FMO1: variants seen among roughly 807,000 people sequenced by gnomAD.
FMO1 encodes the protein flavin-containing monooxygenase 1.
Under a neutral mutation model 45.4 loss-of-function variants are expected in FMO1, and 36 were observed. The observed-to-expected ratio is 0.79, with a 90% CI of 0.61 to 1.05. FMO1 has a LOEUF of 1.05. FMO1 is among the 50% of genes least tolerant of loss of function. FMO1 has a pLI of 0.00. For synonymous variants in FMO1, 228 were observed against 227.2 expected (o/e 1.00, Z -0.03); for missense variants, 615 against 640.3 (o/e 0.96, Z 0.43).
In FMO1 at chr1:171,285,288, A is replaced by G. The variant is rs1305527542; in HGVS notation, c.1343A>G (p.Asn448Ser). Residue 448 changes from asparagine to serine, a missense_variant, in exon 9 of 9, where the codon AAC becomes AGC. Transcript: ENST00000617670. ...CTGACCTATATCAATGCAAAACCCA[A>G]CCTGTTCTCTATGCTCCTAACGGAT... ...ELLTYINAKP[N>S]LFSMLLTDPH... 1.2e-6 allele frequency: 2 copies of G among 1,613,808 alleles called. No individual in the cohort carries two copies. Among genetic ancestry groups the G allele is most frequent in the Non-Finnish European group, 1.7e-6 (2 of 1,179,910 alleles).
In FMO1 at chr1:171,257,613, C is replaced by G. The variant is rs941479596; in HGVS notation, c.-6-469C>G. Reference sequence around the variant, plus strand: ...GTGTGGTGGCTCCTGGTCCCAACTCCACCCCACCAGCTGCTGTGTGGTGTT... The same window carrying G: ...GTGTGGTGGCTCCTGGTCCCAACTCGACCCCACCAGCTGCTGTGTGGTGTT... On this transcript the variant is annotated intron_variant, in intron 1 of 8. Coordinates refer to ENST00000617670, the MANE Select transcript of FMO1 (RefSeq NM_001282693.2). 6 of 187,274 alleles carry G rather than the reference C, an allele frequency of 3.2e-5. No individual in the cohort carries two copies. In the Admixed American group the frequency reaches 3.2e-4, roughly 10 times the overall value. 11.6% of individuals were successfully genotyped at this position (187,274 alleles called of 1,614,324 possible). A position where few individuals can be genotyped will look rare whatever the true frequency, so the allele number is the denominator to read the frequency against.
At chr1:171,272,328 A>G (rs1660905111) in intron 3 of FMO1, among the ~76,000 whole-genome samples, 1 of 152,252 alleles carries the variant, frequency 6.6e-6, no homozygotes, top group African/African-American at 2.4e-5. Flanking sequence ...CTGCAGGGGC[A>G]GGGATCTCAT....
intron 3 of FMO1, chr1:171,271,638 G>C: frequency 1.4e-6 from 1 of 719,746 alleles, no homozygotes; most frequent in Non-Finnish European, 2.5e-6. Context: ...GTGCCCATCT[G>C]GCTCTCACTT....
intron 3 of FMO1, chr1:171,270,870 A>AT: frequency 4.2e-6 from 3 of 706,616 alleles, no homozygotes; most frequent in East Asian, 2.8e-5. Context: ...TTACATTTCC[A>AT]TTTTTTTCTT....
intron 4 of FMO1, 104 bp from the exon 5 acceptor site, chr1:171,278,625 G>T (rs1661212452): frequency 2.2e-6 from 2 of 892,490 alleles, no homozygotes; most frequent in South Asian, 2.4e-5. Flanking sequence ...TAGTAAAAAT[G>T]ACCAAAATCA....
intron 4 of FMO1, 152 bp downstream of exon 4, chr1:171,275,660 T>C: frequency 1.7e-6 from 1 of 585,166 alleles, no homozygotes; most frequent in Non-Finnish European, 2.9e-6. Context: ...TGTTTTTTTC[T>C]AGCCAGCATT....
chr1:171,278,715 T>C lies in FMO1; in HGVS notation c.485-14T>C. On this transcript the variant is annotated splice_polypyrimidine_tract_variant and intron_variant, in intron 4 of 8. Transcript: ENST00000617670. ...TGTTAATTCTCTGTGTGACTTCTCT[T>C]TTATTTTCTATAGGTATTAATGCCT... The C allele has an allele frequency of 6.4e-7, 1 of 1,552,970 alleles. No individual in the cohort carries two copies. The highest frequency in any genetic ancestry group is 8.8e-7 in the Non-Finnish European group (1 of 1,140,038).
intron 1 of FMO1, among the ~76,000 whole-genome samples, chr1:171,256,870 G>C (rs1238018297): frequency 3.3e-5 from 5 of 151,990 alleles, no homozygotes; most frequent in Non-Finnish European, 7.4e-5. Flanking sequence ...AACAAACTTA[G>C]GGAGATAAAA....
chr1:171,267,731 G>A lies in FMO1; in HGVS notation c.321G>A (p.Lys107=), dbSNP rs1217744788. 6.2e-7 allele frequency: 1 copy of A among 1,603,972 alleles called. No individual in the cohort carries two copies. The highest frequency in any genetic ancestry group is 1.7e-5 in the Admixed American group (1 of 59,096). The change falls in exon 3 of 9, where the codon AAG becomes AAA. Residue 107 remains lysine (K), a splice_region_variant and synonymous_variant. Transcript: ENST00000617670. ...HFDLLKHIQF[K]TKVCSVTKCS... is the part of the protein sequence containing the mutation. ...ACCTTCTGAAACACATTCAATTCAA[G>A]GTAAGACACAAAACATCAGTTAGTA...
In FMO1 at chr1:171,285,834, A is replaced by G. The variant is rs1007537586; in HGVS notation, c.*290A>G. On this transcript the variant is annotated 3_prime_UTR_variant, in exon 9 of 9. Transcript: ENST00000617670. ...TCTTGACAGCACTCTGAGCCATCAT[A>G]CCTCTTTCCCATATAAACTATTTTC... 1 of 257,260 alleles carries G rather than the reference A, an allele frequency of 3.9e-6. No individual in the cohort carries two copies. The highest frequency in any genetic ancestry group is 7.3e-6 in the Non-Finnish European group (1 of 137,362). The allele number at this position is 257,260 out of a possible 1,614,324, so 15.9% of individuals were successfully genotyped here.
At position 171,268,707 on chromosome 1, in the gene FMO1, A is replaced by T. The variant is rs1400641466; in HGVS notation, c.321+976A>T. ...CCCTCCCCTGTCAGAGGTAAGGATG[A>T]TGAGGAATTCACAGAGAATTATACA... On this transcript the variant is annotated intron_variant, in intron 3 of 8. Transcript: ENST00000617670. 7.2e-5 allele frequency among the ~76,000 whole-genome samples: 11 copies of T among 152,092 alleles called. 1 individual carries two copies. Among genetic ancestry groups the T allele is most frequent in the Admixed American group, 2.0e-4 (3 of 15,292 alleles).
At chr1:171,267,459 T>C in intron 2 of FMO1, 84 bp from the exon 3 acceptor site, 1 of 853,430 alleles carries the variant, frequency 1.2e-6, no homozygotes, top group East Asian at 2.5e-5. Flanking sequence ...GCAATGATAC[T>C]GTGTGCATCT....
intron 1 of FMO1, chr1:171,251,561 ATTCCTCACACAG>A (rs1282101686): frequency 1.3e-5 from 2 of 150,470 alleles, no homozygotes; most frequent in East Asian, 2.1e-4. Context: ...CCTTCACAGC[ATTCCTCACACAG>A]TTCCTCACAC....
chr1:171,272,632 G>A (rs1211544499), intron 3 of FMO1, among the ~76,000 whole-genome samples: 1 of 152,208 alleles, frequency 6.6e-6, no homozygotes, highest in Admixed American at 6.5e-5. Context: ...TGTGAGACAT[G>A]GAGTCAAAGG....
chr1:171,285,273 T>C lies in FMO1; in HGVS notation c.1328T>C (p.Ile443Thr), dbSNP rs779320288. The stretch of plus-strand genomic sequence containing the variant: ...TACATAGATGAACTCCTGACCTATA[T>C]CAATGCAAAACCCAACCTGTTCTCT... ...ITYIDELLTYINAKPNLFSML... is the reference protein window; with the variant it reads ...ITYIDELLTYTNAKPNLFSML... The change falls in exon 9 of 9, where the codon ATC (isoleucine) becomes ACC (threonine). Residue 443 changes from isoleucine to threonine, a missense_variant. Physicochemically the swap from Ile to Thr is moderately conservative, Grantham distance 89 (BLOSUM62 -1). Transcript: ENST00000617670. 5.0e-6 allele frequency: 8 copies of C among 1,613,846 alleles called. No homozygotes were observed. The African/African-American group carries it at 1.1e-4, about 22-fold the overall frequency.
At chr1:171,284,174 C>CA (rs200976510) in intron 8 of FMO1, among the ~76,000 whole-genome samples, 15,629 of 113,272 alleles carry the variant, frequency 0.14, 933 homozygotes, top group Admixed American at 0.22. Flanking sequence ...GGTTCTGTGG[C>CA]AAAAAAAAAA....
chr1:171,271,113 A>C (rs761793641), intron 3 of FMO1: 99 of 876,314 alleles, frequency 1.1e-4, no homozygotes, highest in Middle Eastern at 3.3e-4. Context: ...AATATGCAGC[A>C]ATATCCTTTT....
At chr1:171,284,186 AAC>A (rs1491423366) in intron 8 of FMO1, among the ~76,000 whole-genome samples, 2 of 90,730 alleles carry the variant, frequency 2.2e-5, no homozygotes, top group African/African-American at 1.3e-4. Flanking sequence ...AAAAAAAAAA[AAC>A]AAAAAACAGC....
Position 171,267,729 on chromosome 1 carries a change from A to C in FMO1, c.319A>C (p.Lys107Gln), listed in dbSNP as rs1429971983. The C allele has an allele frequency of 1.2e-6, 2 of 1,604,254 alleles. No individual in the cohort carries two copies. Among genetic ancestry groups the C allele is most frequent in the African/African-American group, 2.7e-5 (2 of 74,674 alleles). ...HFDLLKHIQF[K>Q]TKVCSVTKCS... ...TGACCTTCTGAAACACATTCAATTC[A>C]AGGTAAGACACAAAACATCAGTTAG... is the stretch of plus-strand genomic sequence containing the variant. The change falls in exon 3 of 9, where the codon AAG becomes CAG. Residue 107 changes from lysine to glutamine, a missense_variant and splice_region_variant. By Grantham distance (53) the Lys-to-Gln change is moderately conservative. Transcript: ENST00000617670.
Sources: gnomAD v4.1 joint callset for allele counts (sites outside exome capture counted in the v4.1 genomes callset) on GRCh38, gnomAD v4.1.1 for gene constraint, MANE v1.5 for transcripts, NCBI Gene and HGNC (gene_info 2026-07-23, HGNC 2026-07-21) for gene names.